The following ADGRB3 variants were observed in gnomAD, a reference collection of about 807,000 sequenced individuals.
ADGRB3 encodes the protein brain-specific angiogenesis inhibitor 3.
Under a neutral mutation model 193.4 loss-of-function variants are expected in ADGRB3, and 37 were observed. The ratio of observed to expected loss-of-function variants is 0.19; its 90% CI spans 0.15 to 0.25. The LOEUF (loss-of-function observed/expected upper bound fraction) is 0.25, where lower values mean the gene tolerates loss of function less well. ADGRB3 is among the 10% of genes least tolerant of loss of function. ADGRB3 has a pLI of 1.00. For missense variants in ADGRB3, 1,637 were observed against 1,852.9 expected (o/e 0.88, Z 2.14); for synonymous variants, 690 against 644.2 (o/e 1.07, Z -1.08).
At chr6:68,663,567 G>A (rs909001689) in intron 3 of ADGRB3, among the ~76,000 whole-genome samples, 1 of 151,766 alleles carries the variant, frequency 6.6e-6, no homozygotes, top group African/African-American at 2.4e-5. Context: ...AGAAGGCAAT[G>A]CATTGTAGAA....
At chr6:69,049,048 G>C (rs1278480527) in intron 14 of ADGRB3, among the ~76,000 whole-genome samples, 8 of 152,024 alleles carry the variant, frequency 5.3e-5, no homozygotes, top group Admixed American at 2.6e-4. Flanking sequence ...GCAGCTTCTT[G>C]TCTCAACCTG....
chr6:68,684,711 T>A (rs1387724947), intron 3 of ADGRB3, among the ~76,000 whole-genome samples: 2 of 152,218 alleles, frequency 1.3e-5, no homozygotes, highest in African/African-American at 4.8e-5. Flanking sequence ...ATTTTGAGGA[T>A]GTGTTTATGA....
chr6:69,388,441 G>A (rs1283180499), intron 31 of ADGRB3, among the ~76,000 whole-genome samples: 3 of 151,842 alleles, frequency 2.0e-5, no homozygotes, highest in Non-Finnish European at 4.4e-5. Flanking sequence ...ACAAAACATC[G>A]CCTACTTTGC....
chr6:68,712,381 T>A (rs562700852), intron 3 of ADGRB3, among the ~76,000 whole-genome samples: 1 of 152,052 alleles, frequency 6.6e-6, no homozygotes, highest in South Asian at 2.1e-4. Context: ...TTTTTTGCAT[T>A]TTAATAGTTT....
At chr6:68,832,901 A>G (rs1355533130) in intron 3 of ADGRB3, among the ~76,000 whole-genome samples, 6 of 152,270 alleles carry the variant, frequency 3.9e-5, no homozygotes, top group African/African-American at 1.2e-4. Context: ...CACAACATTT[A>G]CTTCTGCCTG....
At chr6:69,093,341 T>C (rs1484281148) in intron 17 of ADGRB3, among the ~76,000 whole-genome samples, 2 of 148,474 alleles carry the variant, frequency 1.3e-5, no homozygotes, top group East Asian at 4.1e-4. Flanking sequence ...TAGATGGGTG[T>C]GTTTTCTAGG....
At chr6:69,357,230 T>G (rs1010664388) in intron 28 of ADGRB3, among the ~76,000 whole-genome samples, 39 of 152,196 alleles carry the variant, frequency 2.6e-4, no homozygotes, top group African/African-American at 8.9e-4. Flanking sequence ...TATTAATGAT[T>G]TGCATATGAT....
chr6:69,382,426 TA>T (rs1291140074), intron 30 of ADGRB3, among the ~76,000 whole-genome samples: 1 of 151,958 alleles, frequency 6.6e-6, no homozygotes, highest in African/African-American at 2.4e-5. Context: ...AAATAAAGCA[TA>T]AAAAAGTAAT....
Position 68,935,144 on chromosome 6 carries a change from G to A in ADGRB3, c.869-1375G>A, listed in dbSNP as rs148429420. Among the ~76,000 whole-genome samples, 4 of 152,256 alleles carry A rather than the reference G, an allele frequency of 2.6e-5. No homozygotes were observed. The East Asian group carries it at 7.7e-4, about 29-fold the overall frequency. The stretch of plus-strand genomic sequence containing the variant: ...GTGGTTAGTGGATCAGTGTTTGTCC[G>A]CAAACTGGCCGTTATGGTCTCTCAA... On this transcript the variant is annotated intron_variant, in intron 4 of 31. Coordinates refer to ENST00000370598, the MANE Select transcript of ADGRB3 (RefSeq NM_001704.3).
intron 3 of ADGRB3, among the ~76,000 whole-genome samples, chr6:68,897,471 GA>G (rs1766254137): frequency 6.2e-5 from 6 of 97,464 alleles, no homozygotes; most frequent in Non-Finnish European, 1.3e-4. Context: ...GGAGGAAAGG[GA>G]GGGAGGGATG....
chr6:69,300,543 G>T (rs923170386), intron 20 of ADGRB3, among the ~76,000 whole-genome samples: 25 of 151,744 alleles, frequency 1.6e-4, no homozygotes, highest in African/African-American at 5.6e-4. Context: ...ATTTGCAACA[G>T]ATTATATCAT....
At chr6:68,789,679 T>C (rs993355867) in intron 3 of ADGRB3, among the ~76,000 whole-genome samples, 4 of 152,190 alleles carry the variant, frequency 2.6e-5, no homozygotes, top group Non-Finnish European at 4.4e-5. Context: ...CTCTGTATTT[T>C]CTGAATCTGA....
At chr6:68,839,184 G>T (rs1389309778) in intron 3 of ADGRB3, among the ~76,000 whole-genome samples, 4 of 151,992 alleles carry the variant, frequency 2.6e-5, no homozygotes, top group African/African-American at 9.7e-5. Context: ...GGTCCTCATT[G>T]TGAGCTGCTA....
chr6:69,006,994 C>T (rs898712675), intron 11 of ADGRB3, among the ~76,000 whole-genome samples: 1 of 152,064 alleles, frequency 6.6e-6, no homozygotes, highest in Non-Finnish European at 1.5e-5. Context: ...GAGCTATAGG[C>T]TTGTAGTTAA....
intron 30 of ADGRB3, among the ~76,000 whole-genome samples, chr6:69,378,266 A>G (rs1769872302): frequency 6.6e-6 from 1 of 152,092 alleles, no homozygotes. Flanking sequence ...CACCTAGCCC[A>G]TCCTGGATTG....
At chr6:68,899,923 T>C (rs928214685) in intron 3 of ADGRB3, among the ~76,000 whole-genome samples, 10 of 152,042 alleles carry the variant, frequency 6.6e-5, no homozygotes, top group Non-Finnish European at 1.5e-4. Flanking sequence ...TATTTTAAAA[T>C]CAGGCGTTCA....
intron 5 of ADGRB3, among the ~76,000 whole-genome samples, chr6:68,942,676 T>C (rs1178281715): frequency 1.3e-5 from 2 of 151,968 alleles, no homozygotes; most frequent in South Asian, 2.1e-4. Context: ...AGTGGCATGA[T>C]CTCACTTCAC....
chr6:68,858,314 C>A (rs182397666), intron 3 of ADGRB3, among the ~76,000 whole-genome samples: 1 of 151,912 alleles, frequency 6.6e-6, no homozygotes, highest in Non-Finnish European at 1.5e-5. Context: ...ATCAGTCTGG[C>A]CAACATAGAG....
At chr6:68,822,964 G>A (rs546080356) in intron 3 of ADGRB3, among the ~76,000 whole-genome samples, 1 of 151,990 alleles carries the variant, frequency 6.6e-6, no homozygotes, top group East Asian at 1.9e-4. Context: ...GAATGTAGAT[G>A]GCAGAAATAA....
Sources: gnomAD v4.1 joint callset for allele counts (sites outside exome capture counted in the v4.1 genomes callset) on GRCh38, gnomAD v4.1.1 for gene constraint, MANE v1.5 for transcripts, NCBI Gene and HGNC (gene_info 2026-07-23, HGNC 2026-07-21) for gene names.